THAP4: variants seen among roughly 807,000 people sequenced by gnomAD.
THAP4 encodes the protein peroxynitrite isomerase THAP4.
In THAP4, 18 loss-of-function variants were observed where a neutral mutation model predicts 48.1. That is an observed-to-expected ratio of 0.37 (90% CI 0.26 to 0.56). The LOEUF (loss-of-function observed/expected upper bound fraction) is 0.56. THAP4 is among the 20% of genes least tolerant of loss of function. THAP4 has a pLI of 0.78. For missense variants in THAP4, 656 were observed against 774.9 expected, an observed-to-expected ratio of 0.85 and a Z score of 1.82; for synonymous variants, 345 against 324.9, an observed-to-expected ratio of 1.06 and a Z score of -0.66.
At chr2:241,619,726 C>T (rs531569176) in intron 2 of THAP4, among the ~76,000 whole-genome samples, 5 of 113,918 alleles carry the variant, frequency 4.4e-5, no homozygotes, top group South Asian at 3.2e-4. Context: ...GTGAGTGAGT[C>T]GGTGAGGGGT....
At chr2:241,624,426 G>A (rs2067470467) in intron 2 of THAP4, among the ~76,000 whole-genome samples, 2 of 151,800 alleles carry the variant, frequency 1.3e-5, no homozygotes, top group East Asian at 1.9e-4. Context: ...GGCAGAGGTT[G>A]CAATGAGCCG....
chr2:241,636,118 T>C (rs766202213), intron 1 of THAP4, among the ~76,000 whole-genome samples: 1 of 152,230 alleles, frequency 6.6e-6, no homozygotes, highest in Non-Finnish European at 1.5e-5. Context: ...ACTTGTGAAA[T>C]AATCTAATGT....
chr2:241,586,122 T>C (rs2066893858), intron 5 of THAP4, among the ~76,000 whole-genome samples: 1 of 150,618 alleles, frequency 6.6e-6, no homozygotes, highest in African/African-American at 2.4e-5. Context: ...CCGGGTGTGG[T>C]GGCGGGTGCC....
At chr2:241,595,817 C>T (rs2067039910) in intron 5 of THAP4, among the ~76,000 whole-genome samples, 1 of 152,170 alleles carries the variant, frequency 6.6e-6, no homozygotes, top group African/African-American at 2.4e-5. Flanking sequence ...TGGGCCTCAG[C>T]TGTGCCCAGA....
intron 5 of THAP4, among the ~76,000 whole-genome samples, chr2:241,600,932 C>T (rs2067105267): frequency 6.6e-6 from 1 of 151,222 alleles, no homozygotes; most frequent in Non-Finnish European, 1.5e-5. Flanking sequence ...ATAAAGCAGA[C>T]AACAGATTAA....
intron 5 of THAP4, among the ~76,000 whole-genome samples, chr2:241,586,125 C>T (rs561614907): frequency 2.0e-5 from 3 of 149,470 alleles, no homozygotes; most frequent in African/African-American, 4.9e-5. Flanking sequence ...GGTGTGGTGG[C>T]GGGTGCCTGT....
At chr2:241,611,513 A>C (rs2067276153) in intron 2 of THAP4, among the ~76,000 whole-genome samples, 1 of 152,228 alleles carries the variant, frequency 6.6e-6, no homozygotes, top group Non-Finnish European at 1.5e-5. Flanking sequence ...ATCTGAGGTC[A>C]GGAGTTCGAG....
At chr2:241,585,662 G>A (rs756526917) in intron 5 of THAP4, among the ~76,000 whole-genome samples, 3 of 152,034 alleles carry the variant, frequency 2.0e-5, no homozygotes, top group Non-Finnish European at 2.9e-5. Context: ...GGCTGAGAGG[G>A]ATGTGGTAGC....
intron 1 of THAP4, among the ~76,000 whole-genome samples, chr2:241,636,081 G>A (rs1042192378): frequency 2.6e-5 from 4 of 152,188 alleles, no homozygotes; most frequent in Admixed American, 6.5e-5. Flanking sequence ...AGCTCTGAAG[G>A]AAATTGTCAA....
rs1210552593 is a variant in THAP4, at chr2:241,584,485, A to AGG, written c.*120_*121insCC. The AGG allele has an allele frequency of 2.4e-5, 25 of 1,061,128 alleles. 1 individual carries two copies. Among genetic ancestry groups the AGG allele is most frequent in the Admixed American group, 6.5e-5 (3 of 46,462 alleles). 65.7% of individuals were successfully genotyped at this position (1,061,128 alleles called of 1,614,324 possible). A position where few individuals can be genotyped will look rare whatever the true frequency, so the allele number is the denominator to read the frequency against. On this transcript the variant is annotated 3_prime_UTR_variant, in exon 6 of 6. Transcript: ENST00000407315. ...GCCAGTACAGAAACATCTGGACAAC[A>AGG]CTCTTGAGCCTGCAGAGGCTCACGG...
rs2067352859 is a variant in THAP4, at chr2:241,616,682, T to G, written c.1241-10209A>C. On this transcript the variant is annotated intron_variant, in intron 2 of 5. Coordinates refer to ENST00000407315, the MANE Select transcript of THAP4 (RefSeq NM_015963.6). The surrounding 1 kb of genome is among the most constrained non-coding windows in gnomAD (Gnocchi z 4.6). ...AAACTAGAGAATTCTAAGATAGCTCTGAAATTCAGAAGAAACGCTTTTGAG... is the reference window on the plus strand; with the variant it reads ...AAACTAGAGAATTCTAAGATAGCTCGGAAATTCAGAAGAAACGCTTTTGAG... Among the ~76,000 whole-genome samples the G allele has an allele frequency of 6.6e-6, 1 of 152,098 alleles. No individual in the cohort carries two copies. The highest frequency in any genetic ancestry group is 6.6e-5 in the Admixed American group (1 of 15,264).
chr2:241,587,232 G>T (rs560324980), intron 5 of THAP4, among the ~76,000 whole-genome samples: 1 of 152,324 alleles, frequency 6.6e-6, no homozygotes, highest in East Asian at 1.9e-4. Flanking sequence ...CATCTAATAG[G>T]CTGGGGGCCC....
intron 1 of THAP4, among the ~76,000 whole-genome samples, chr2:241,636,031 C>T (rs1044363781): frequency 6.6e-6 from 1 of 152,108 alleles, no homozygotes; most frequent in Non-Finnish European, 1.5e-5. Context: ...CAACACGTTG[C>T]CTCGTTTTCA....
chr2:241,619,796 G>T (rs146085442), intron 2 of THAP4, among the ~76,000 whole-genome samples: 146 of 139,162 alleles, frequency 1.0e-3, no homozygotes, highest in African/African-American at 3.8e-3. Flanking sequence ...TGAGGGGTGC[G>T]TGAGTCGTGA....
chr2:241,603,964 C>T (rs1219328005), intron 3 of THAP4, among the ~76,000 whole-genome samples: 3 of 147,170 alleles, frequency 2.0e-5, no homozygotes, highest in African/African-American at 7.6e-5. Flanking sequence ...CAGGGCTGGG[C>T]AACACAGACC....
intron 2 of THAP4, among the ~76,000 whole-genome samples, chr2:241,624,167 T>C (rs187186116): frequency 1.3e-5 from 2 of 152,338 alleles, no homozygotes; most frequent in African/African-American, 4.8e-5. Flanking sequence ...TATTTACTAA[T>C]ACCAATTTAT....
rs907215228 is a variant in THAP4 at position 241,616,925 on chromosome 2, C to T, written c.1241-10452G>A. 2.0e-5 allele frequency among the ~76,000 whole-genome samples: 3 copies of T among 152,152 alleles called. No homozygotes were observed. The highest frequency in any genetic ancestry group is 4.8e-5 in the African/African-American group (2 of 41,436). On this transcript the variant is annotated intron_variant, in intron 2 of 5. Transcript: ENST00000407315. The surrounding 1 kb of genome is among the most constrained non-coding windows in gnomAD (Gnocchi z 4.6). Reference sequence around the variant, plus strand: ...CAGCGGCGGCGCCTCCTTCTGTCTACACTGCACCTCACCAGGTTAACCTGC... The same window carrying T: ...CAGCGGCGGCGCCTCCTTCTGTCTATACTGCACCTCACCAGGTTAACCTGC...
chr2:241,621,029 T>C (rs2067423789), intron 2 of THAP4, among the ~76,000 whole-genome samples: 1 of 152,136 alleles, frequency 6.6e-6, no homozygotes, highest in South Asian at 2.1e-4. Flanking sequence ...GCAGAGATTT[T>C]AGAATTACCA....
intron 5 of THAP4, among the ~76,000 whole-genome samples, chr2:241,599,483 C>T (rs1319244010): frequency 6.6e-6 from 1 of 152,062 alleles, no homozygotes; most frequent in South Asian, 2.1e-4. Flanking sequence ...TATCAATAAT[C>T]AATCTGAAGA....
Sources: allele counts gnomAD v4.1 joint callset (sites outside exome capture counted in the v4.1 genomes callset), GRCh38; gene constraint gnomAD v4.1.1; non-coding constraint Gnocchi (gnomAD v3.1); transcripts MANE v1.5; gene names NCBI Gene and HGNC (gene_info 2026-07-23, HGNC 2026-07-21).